The following PXT1 variants were observed in gnomAD, a reference collection of about 807,000 sequenced individuals.
PXT1 encodes the protein peroxisomal testis-specific protein 1.
In PXT1, 11 loss-of-function variants were observed where a neutral mutation model predicts 11.0. The ratio of observed to expected loss-of-function variants is 1.00; its 90% CI spans 0.63 to 1.66. The LOEUF (loss-of-function observed/expected upper bound fraction) is 1.66. Among genes scored for constraint, PXT1 ranks in the 40% most tolerant of loss-of-function variants. The pLI is 0.00. For synonymous variants in PXT1, 43 were observed against 51.4 expected (o/e 0.84, Z 0.70); for missense variants, 141 against 155.5 (o/e 0.91, Z 0.49).
At chr6:36,403,767 G>A (rs1774246671) in intron 3 of PXT1, among the ~76,000 whole-genome samples, 1 of 152,154 alleles carries the variant, frequency 6.6e-6, no homozygotes, top group Non-Finnish European at 1.5e-5. Context: ...TACTTGGGAA[G>A]CTGAGGTGGG....
intron 3 of PXT1, among the ~76,000 whole-genome samples, chr6:36,417,313 A>G (rs965135702): frequency 2.6e-5 from 4 of 151,630 alleles, no homozygotes; most frequent in African/African-American, 7.3e-5. Flanking sequence ...CGCCACTACA[A>G]TTCAGCCTGG....
At chr6:36,405,001 C>T (rs1279353363) in intron 3 of PXT1, among the ~76,000 whole-genome samples, 1 of 152,066 alleles carries the variant, frequency 6.6e-6, no homozygotes, top group Middle Eastern at 3.2e-3. Flanking sequence ...CAGGCAGGTC[C>T]TTCAGGAGGT....
intron 3 of PXT1, among the ~76,000 whole-genome samples, chr6:36,406,046 G>C (rs1346030239): frequency 6.6e-6 from 1 of 152,214 alleles, no homozygotes; most frequent in Non-Finnish European, 1.5e-5. Context: ...CTAGTGTAAT[G>C]ATTTGAGTGT....
chr6:36,416,344 G>A (rs973847694), intron 3 of PXT1, among the ~76,000 whole-genome samples: 1 of 152,050 alleles, frequency 6.6e-6, no homozygotes, highest in Admixed American at 6.6e-5. Context: ...CAAAGACCCA[G>A]ACCCTATCTC....
intron 2 of PXT1, among the ~76,000 whole-genome samples, chr6:36,434,529 C>T (rs534665603): frequency 6.6e-6 from 1 of 152,228 alleles, no homozygotes; most frequent in East Asian, 1.9e-4. Flanking sequence ...AATGAGGTAG[C>T]CATTATAGGT....
At chr6:36,410,658 T>C (rs1253292704) in intron 3 of PXT1, among the ~76,000 whole-genome samples, 1 of 152,180 alleles carries the variant, frequency 6.6e-6, no homozygotes, top group African/African-American at 2.4e-5. Flanking sequence ...AGACCACTCT[T>C]CTTTAATGGA....
intron 2 of PXT1, among the ~76,000 whole-genome samples, chr6:36,432,610 C>T (rs532396840): frequency 1.3e-5 from 2 of 152,166 alleles, no homozygotes; most frequent in Admixed American, 6.5e-5. Flanking sequence ...GAAGCAGTGA[C>T]GTGCAGAGGG....
chr6:36,406,638 C>T (rs1774296036), intron 3 of PXT1, among the ~76,000 whole-genome samples: 1 of 151,892 alleles, frequency 6.6e-6, no homozygotes, highest in Admixed American at 6.6e-5. Flanking sequence ...TGGTGAAACC[C>T]CGTCTCTACT....
chr6:36,419,267 T>C (rs1266812366), intron 3 of PXT1, among the ~76,000 whole-genome samples: 1 of 152,224 alleles, frequency 6.6e-6, no homozygotes, highest in Non-Finnish European at 1.5e-5. Flanking sequence ...CAAAAGCATA[T>C]TGATTTGTAA....
chr6:36,438,187 G>C (rs1284164861), intron 2 of PXT1, among the ~76,000 whole-genome samples: 1 of 151,986 alleles, frequency 6.6e-6, no homozygotes, highest in East Asian at 1.9e-4. Context: ...CTTTTGACCT[G>C]CCACTATTAA....
Position 36,425,918 on chromosome 6 carries a change from G to A in PXT1, c.165C>T (p.Asn55=). ...SSQPVPAMSR[N]PDHNLLSQPK... Reference sequence around the variant, plus strand: ...AGTTTAATCCAAATATCTTACCTGGGTTCCTTGACATGGCTGGAACTGGCT... The same window carrying A: ...AGTTTAATCCAAATATCTTACCTGGATTCCTTGACATGGCTGGAACTGGCT... The change falls in exon 3 of 5, where the codon AAC becomes AAT. Residue 55 remains asparagine (N), a synonymous_variant. Transcript: ENST00000454782. 6.5e-7 allele frequency: 1 copy of A among 1,533,326 alleles called. No homozygotes were observed. The highest frequency in any genetic ancestry group is 8.7e-7 in the Non-Finnish European group (1 of 1,145,376). 95.0% of individuals were successfully genotyped at this position (1,533,326 alleles called of 1,614,324 possible).
chr6:36,401,424 G>A (rs1005759102), intron 3 of PXT1, among the ~76,000 whole-genome samples: 1 of 152,030 alleles, frequency 6.6e-6, no homozygotes, highest in African/African-American at 2.4e-5. Context: ...ACTTGAGCCA[G>A]GGCAACATAG....
At chr6:36,411,279 C>T (rs1774371772) in intron 3 of PXT1, among the ~76,000 whole-genome samples, 1 of 151,820 alleles carries the variant, frequency 6.6e-6, no homozygotes, top group Non-Finnish European at 1.5e-5. Flanking sequence ...GTGAAACCCC[C>T]GTCTCTACTA....
chr6:36,421,270 T>A (rs542047326), intron 3 of PXT1, among the ~76,000 whole-genome samples: 1 of 152,006 alleles, frequency 6.6e-6, no homozygotes, highest in African/African-American at 2.4e-5. Flanking sequence ...AAGATGAGCC[T>A]GGGTAACAAA....
intron 3 of PXT1, among the ~76,000 whole-genome samples, chr6:36,422,372 C>T (rs1252450633): frequency 2.0e-5 from 3 of 152,206 alleles, no homozygotes; most frequent in Non-Finnish European, 4.4e-5. Context: ...CCCTTAACCC[C>T]TTCAGGTCTC....
chr6:36,429,336 A>G (rs1465569453), intron 2 of PXT1, among the ~76,000 whole-genome samples: 1 of 97,110 alleles, frequency 1.0e-5, no homozygotes, highest in Non-Finnish European at 2.0e-5. Flanking sequence ...AATATTATAT[A>G]ACCAGGAAAT....
At chr6:36,399,622 A>G (rs1774188034) in intron 4 of PXT1, among the ~76,000 whole-genome samples, 1 of 152,180 alleles carries the variant, frequency 6.6e-6, no homozygotes, top group South Asian at 2.1e-4. Flanking sequence ...CTGCACCAAG[A>G]AAGCTTCACA....
chr6:36,419,597 G>A (rs897144313), intron 3 of PXT1, among the ~76,000 whole-genome samples: 7 of 152,074 alleles, frequency 4.6e-5, no homozygotes, highest in African/African-American at 1.7e-4. Flanking sequence ...AATCCTTGAG[G>A]GCATGTATCT....
At chr6:36,422,967 A>G (rs746279446) in intron 3 of PXT1, among the ~76,000 whole-genome samples, 1 of 152,080 alleles carries the variant, frequency 6.6e-6, no homozygotes, top group Non-Finnish European at 1.5e-5. Flanking sequence ...AGGAGTTTCT[A>G]ATTTCCCTTA....
Sources: allele counts gnomAD v4.1 joint callset (sites outside exome capture counted in the v4.1 genomes callset), GRCh38; gene constraint gnomAD v4.1.1; transcripts MANE v1.5; gene names NCBI Gene and HGNC (gene_info 2026-07-23, HGNC 2026-07-21).